Variants in ADGRB3 observed in about 807,000 individuals in gnomAD.
The protein encoded by ADGRB3 is brain-specific angiogenesis inhibitor 3.
Under a neutral mutation model 193.4 loss-of-function variants are expected in ADGRB3, and 37 were observed. The observed-to-expected ratio is 0.19, with a 90% CI of 0.15 to 0.25. The LOEUF (loss-of-function observed/expected upper bound fraction) is 0.25, where lower values mean the gene tolerates loss of function less well. ADGRB3 is among the 10% of genes least tolerant of loss of function. The pLI, the probability that ADGRB3 is intolerant of heterozygous loss-of-function variation, is 1.00. For synonymous variants in ADGRB3, 690 were observed against 644.2 expected (o/e 1.07, Z -1.08); for missense variants, 1,637 against 1,852.9 (o/e 0.88, Z 2.14).
At chr6:69,272,234 C>A (rs1284896172) in intron 20 of ADGRB3, among the ~76,000 whole-genome samples, 5 of 152,182 alleles carry the variant, frequency 3.3e-5, no homozygotes. Flanking sequence ...ACTCCTCTTT[C>A]TTTCATCCCT....
At chr6:69,063,464 C>T (rs1771810253) in intron 16 of ADGRB3, among the ~76,000 whole-genome samples, 1 of 151,974 alleles carries the variant, frequency 6.6e-6, no homozygotes, top group Admixed American at 6.6e-5. Context: ...AAACTATATA[C>T]TTAAAATTGG....
intron 3 of ADGRB3, among the ~76,000 whole-genome samples, chr6:68,914,385 T>C (rs1426387737): frequency 6.6e-6 from 1 of 152,164 alleles, no homozygotes; most frequent in African/African-American, 2.4e-5. Context: ...TGGAGGCCAA[T>C]ATTCAACATT....
At chr6:68,808,509 C>T (rs1767452407) in intron 3 of ADGRB3, among the ~76,000 whole-genome samples, 1 of 151,744 alleles carries the variant, frequency 6.6e-6, no homozygotes, top group Non-Finnish European at 1.5e-5. Flanking sequence ...AATACACTAC[C>T]AATTGTATAT....
At chr6:68,820,023 T>C (rs571981505) in intron 3 of ADGRB3, among the ~76,000 whole-genome samples, 2 of 152,158 alleles carry the variant, frequency 1.3e-5, no homozygotes, top group African/African-American at 4.8e-5. Context: ...TTACTAAATA[T>C]TCGTACTGAT....
intron 3 of ADGRB3, among the ~76,000 whole-genome samples, chr6:68,798,925 C>A (rs1201384158): frequency 6.6e-6 from 1 of 152,020 alleles, no homozygotes; most frequent in African/African-American, 2.4e-5. Flanking sequence ...GGACAATGGG[C>A]AGAGGTAAGG....
At chr6:69,244,378 A>T (rs1314805902) in intron 20 of ADGRB3, among the ~76,000 whole-genome samples, 1 of 152,000 alleles carries the variant, frequency 6.6e-6, no homozygotes, top group Non-Finnish European at 1.5e-5. Flanking sequence ...TGTGTTTTTT[A>T]AAAAGTAAAA....
intron 17 of ADGRB3, among the ~76,000 whole-genome samples, chr6:69,136,394 G>C (rs1006700197): frequency 6.6e-6 from 1 of 152,028 alleles, no homozygotes; most frequent in Non-Finnish European, 1.5e-5. Context: ...TATAAATGTA[G>C]CACTTAAAAT....
chr6:68,676,799 T>C (rs1445804979), intron 3 of ADGRB3, among the ~76,000 whole-genome samples: 2 of 152,170 alleles, frequency 1.3e-5, no homozygotes, highest in Non-Finnish European at 1.5e-5. Context: ...ACAGGACTCA[T>C]GTGGCACCTC....
intron 17 of ADGRB3, among the ~76,000 whole-genome samples, chr6:69,203,674 T>C (rs1387536523): frequency 6.6e-6 from 1 of 152,140 alleles, no homozygotes; most frequent in Admixed American, 6.6e-5. Flanking sequence ...GCCTCACACA[T>C]TATTCTCTGT....
At chr6:69,249,809 G>A (rs545360438) in intron 20 of ADGRB3, among the ~76,000 whole-genome samples, 37 of 152,258 alleles carry the variant, frequency 2.4e-4, no homozygotes, top group African/African-American at 8.7e-4. Context: ...TTCTTTTGTG[G>A]TAGCTAGTCA....
chr6:69,380,530 T>C (rs1177454882), intron 30 of ADGRB3, among the ~76,000 whole-genome samples: 2 of 151,876 alleles, frequency 1.3e-5, no homozygotes, highest in Non-Finnish European at 2.9e-5. Context: ...GATTCCAGCA[T>C]AGAATTAAAA....
At chr6:69,258,098 G>A (rs1054520880) in intron 20 of ADGRB3, among the ~76,000 whole-genome samples, 4 of 152,060 alleles carry the variant, frequency 2.6e-5, no homozygotes, top group African/African-American at 9.7e-5. Context: ...ATATAAAGAC[G>A]AATATCTTTA....
intron 3 of ADGRB3, among the ~76,000 whole-genome samples, chr6:68,729,434 T>C (rs1340921835): frequency 6.6e-6 from 1 of 151,664 alleles, no homozygotes; most frequent in African/African-American, 2.4e-5. Context: ...GTGCTACATC[T>C]CTTGCTGGAG....
At chr6:69,009,324 T>C (rs929540513) in intron 11 of ADGRB3, among the ~76,000 whole-genome samples, 5 of 151,990 alleles carry the variant, frequency 3.3e-5, no homozygotes, top group African/African-American at 9.7e-5. Context: ...GGAGTGATGA[T>C]CTCATAAGGC....
intron 8 of ADGRB3, among the ~76,000 whole-genome samples, chr6:68,966,777 G>A (rs1768392327): frequency 6.6e-6 from 1 of 152,148 alleles, no homozygotes; most frequent in Non-Finnish European, 1.5e-5. Flanking sequence ...CCTTTTCTAT[G>A]TGTAGTATTT....
At chr6:69,046,033 A>AT (rs1771227361) in intron 13 of ADGRB3, among the ~76,000 whole-genome samples, 1 of 152,176 alleles carries the variant, frequency 6.6e-6, no homozygotes, top group East Asian at 1.9e-4. Context: ...GGATTTATGA[A>AT]TATGGTATTA....
rs1157278641 is a variant in ADGRB3, at chr6:68,762,205, C to A, written c.757+122773C>A. Reference sequence around the variant, plus strand: ...ATCTCATCTTCTGTCTTGTTCAATCCCTTCTCTTTTCCCCCTTCTTTTTCT... The same window carrying A: ...ATCTCATCTTCTGTCTTGTTCAATCACTTCTCTTTTCCCCCTTCTTTTTCT... On this transcript the variant is annotated intron_variant, in intron 3 of 31. Transcript: ENST00000370598. Among the ~76,000 whole-genome samples the A allele has an allele frequency of 1.1e-4, 16 of 152,058 alleles. No homozygotes were observed. The East Asian group carries it at 3.1e-3, about 29-fold the overall frequency.
intron 17 of ADGRB3, among the ~76,000 whole-genome samples, chr6:69,117,869 A>G (rs922562001): frequency 5.9e-5 from 9 of 152,200 alleles, no homozygotes; most frequent in Non-Finnish European, 4.4e-5. Flanking sequence ...AATATCCACA[A>G]TGTAAAGCTG....
At chr6:69,252,013 G>A (rs1766634041) in intron 20 of ADGRB3, among the ~76,000 whole-genome samples, 1 of 152,084 alleles carries the variant, frequency 6.6e-6, no homozygotes, top group South Asian at 2.1e-4. Flanking sequence ...ATCAAGATAT[G>A]GAACGTTGTC....
Sources: gnomAD v4.1 joint callset for allele counts (sites outside exome capture counted in the v4.1 genomes callset) on GRCh38, gnomAD v4.1.1 for gene constraint, MANE v1.5 for transcripts, NCBI Gene and HGNC (gene_info 2026-07-23, HGNC 2026-07-21) for gene names.